Variants in FOXP1 observed in about 807,000 individuals in gnomAD.
FOXP1 encodes forkhead box protein P1.
In FOXP1, 15 loss-of-function variants were observed where a neutral mutation model predicts 98.2. That is an observed-to-expected ratio of 0.15 (90% CI 0.10 to 0.24). FOXP1 has a LOEUF of 0.24. Among genes scored for constraint, FOXP1 ranks in the 10% least tolerant of loss-of-function variants. The pLI is 1.00. For synonymous variants in FOXP1, 371 were observed against 314.5 expected, an observed-to-expected ratio of 1.18 and a Z score of -1.90; for missense variants, 633 against 848.5, an observed-to-expected ratio of 0.75 and a Z score of 3.15.
Position 71,304,989 on chromosome 3 carries a change from T to C in FOXP1, c.-72-5109A>G, listed in dbSNP as rs146814972. ...TCACACAGGACATATCTTCCTTGGA[T>C]GGTTCACCCTTGTTAATTGTGGCAA... On this transcript the variant is annotated intron_variant, in intron 4 of 20. Transcript: ENST00000649528. 8.6e-3 allele frequency among the ~76,000 whole-genome samples: 1,311 copies of C among 152,282 alleles called. 22 individuals are homozygous for C. Among genetic ancestry groups the C allele is most frequent in the African/African-American group, 0.03 (1,236 of 41,544 alleles).
At chr3:71,458,717 C>T (rs2087734440) in intron 3 of FOXP1, among the ~76,000 whole-genome samples, 1 of 152,224 alleles carries the variant, frequency 6.6e-6, no homozygotes, top group Non-Finnish European at 1.5e-5. Flanking sequence ...GTAAGGAACA[C>T]AAGCGTAAAG....
chr3:70,957,271 A>C lies in FOXP1; in HGVS notation c.*1976T>G. 1 of 226,150 alleles carries C rather than the reference A, an allele frequency of 4.4e-6. No homozygotes were observed. Among genetic ancestry groups the C allele is most frequent in the Non-Finnish European group, 8.8e-6 (1 of 113,558 alleles). The allele number at this position is 226,150 out of a possible 1,614,324, so 14.0% of individuals were successfully genotyped here. A position where few individuals can be genotyped will look rare whatever the true frequency, so the allele number is the denominator to read the frequency against. Reference sequence around the variant, plus strand: ...AGAGAATGAGTTTTGGTCTCTGTAGAGGTACACAAAAAGAAAAAGGAAAAA... The same window carrying C: ...AGAGAATGAGTTTTGGTCTCTGTAGCGGTACACAAAAAGAAAAAGGAAAAA... On this transcript the variant is annotated 3_prime_UTR_variant, in exon 21 of 21. Transcript: ENST00000649528.
At chr3:71,035,959 C>A (rs1218008222) in intron 11 of FOXP1, among the ~76,000 whole-genome samples, 1 of 152,070 alleles carries the variant, frequency 6.6e-6, no homozygotes, top group Admixed American at 6.6e-5. Flanking sequence ...CATTTATTCA[C>A]AAACACAGAA....
intron 5 of FOXP1, among the ~76,000 whole-genome samples, chr3:71,297,707 C>T (rs1175309632): frequency 6.6e-6 from 1 of 151,234 alleles, no homozygotes; most frequent in East Asian, 1.9e-4. Flanking sequence ...CCTCTGCCTC[C>T]CGGGTTTAAG....
intron 3 of FOXP1, among the ~76,000 whole-genome samples, chr3:71,447,508 C>A (rs186215791): frequency 1.3e-5 from 2 of 152,192 alleles, no homozygotes; most frequent in Non-Finnish European, 2.9e-5. Context: ...TGCATACCAA[C>A]CTGCTCCCAT....
At chr3:71,390,849 G>A (rs1306322042) in intron 3 of FOXP1, among the ~76,000 whole-genome samples, 3 of 152,160 alleles carry the variant, frequency 2.0e-5, no homozygotes, top group East Asian at 1.9e-4. Flanking sequence ...AGGAAGAGAT[G>A]AGCCCCCCAT....
chr3:71,406,358 C>G (rs1476628799), intron 3 of FOXP1, among the ~76,000 whole-genome samples: 1 of 127,620 alleles, frequency 7.8e-6, no homozygotes, highest in Non-Finnish European at 1.7e-5. Flanking sequence ...GAATTATTTT[C>G]GTTATTTTTT....
At chr3:71,112,871 G>A (rs2058056088) in intron 6 of FOXP1, among the ~76,000 whole-genome samples, 1 of 152,130 alleles carries the variant, frequency 6.6e-6, no homozygotes, top group Admixed American at 6.5e-5. Context: ...CATCTAAGCA[G>A]ACATTTTATT....
chr3:71,504,345 T>A (rs2041646793), intron 2 of FOXP1, among the ~76,000 whole-genome samples: 1 of 152,150 alleles, frequency 6.6e-6, no homozygotes, highest in African/African-American at 2.4e-5. Context: ...TGACTAGTCA[T>A]CAAGCATACT....
intron 13 of FOXP1, among the ~76,000 whole-genome samples, chr3:70,989,593 T>A (rs77250736): frequency 4.0e-5 from 6 of 151,282 alleles, no homozygotes; most frequent in Middle Eastern, 3.4e-3. Flanking sequence ...TTATTTTTTT[T>A]AAAATGTAAG....
chr3:71,073,513 T>C (rs796175227), intron 7 of FOXP1, among the ~76,000 whole-genome samples: 46 of 152,308 alleles, frequency 3.0e-4, no homozygotes, highest in Admixed American at 9.8e-4. Flanking sequence ...TACCTGGAGT[T>C]TGAAGCAGAA....
chr3:71,412,749 C>A (rs1344323746), intron 3 of FOXP1, among the ~76,000 whole-genome samples: 2 of 152,124 alleles, frequency 1.3e-5, no homozygotes, highest in East Asian at 3.9e-4. Context: ...CACTGACTTA[C>A]CCCCACCTCT....
chr3:71,084,598 C>T (rs946583534), intron 7 of FOXP1, among the ~76,000 whole-genome samples: 1 of 152,206 alleles, frequency 6.6e-6, no homozygotes, highest in Non-Finnish European at 1.5e-5. Context: ...TGGCCTCTTT[C>T]AAGCTATCTG....
intron 2 of FOXP1, among the ~76,000 whole-genome samples, chr3:71,557,067 G>A (rs1177350601): frequency 6.6e-6 from 1 of 151,988 alleles, no homozygotes; most frequent in Non-Finnish European, 1.5e-5. Flanking sequence ...CATTTGTAGG[G>A]GTTTGTTCAT....
At chr3:71,033,720 G>A (rs1025167400) in intron 11 of FOXP1, among the ~76,000 whole-genome samples, 6 of 151,798 alleles carry the variant, frequency 4.0e-5, no homozygotes, top group Admixed American at 6.6e-5. Context: ...GCGGTGATAC[G>A]GCACCATGCC....
intron 7 of FOXP1, among the ~76,000 whole-genome samples, chr3:71,101,783 C>A (rs949835109): frequency 6.6e-6 from 1 of 151,760 alleles, no homozygotes; most frequent in African/African-American, 2.4e-5. Flanking sequence ...TGGGAAGGAT[C>A]GAGTCATTCA....
At chr3:70,971,374 G>C (rs367721815) in intron 18 of FOXP1, 1 of 158,404 alleles carries the variant, frequency 6.3e-6, no homozygotes, top group Non-Finnish European at 1.4e-5. Flanking sequence ...CCAGATCTGG[G>C]AGGGTCTGAG....
chr3:71,038,717 G>A (rs930107270), intron 11 of FOXP1, among the ~76,000 whole-genome samples: 4 of 150,848 alleles, frequency 2.7e-5, no homozygotes, highest in Non-Finnish European at 5.9e-5. Context: ...AGGCTGGAGT[G>A]CAATGGTGTG....
rs1357369241 is a variant in FOXP1, at chr3:71,084,937, G to C, written c.282+27599C>G. Among the ~76,000 whole-genome samples the C allele has an allele frequency of 2.0e-5, 3 of 152,074 alleles. No individual in the cohort carries two copies. In the South Asian group the frequency reaches 6.2e-4, roughly 32 times the overall value. On this transcript the variant is annotated intron_variant, in intron 7 of 20. Transcript: ENST00000649528. ...TAATCCCAGTTACCAGGGAGGATGA[G>C]GCACAATAGTTGCTTGAATAAATAA...
Sources: allele counts gnomAD v4.1 joint callset (sites outside exome capture counted in the v4.1 genomes callset), GRCh38; gene constraint gnomAD v4.1.1; transcripts MANE v1.5; gene names NCBI Gene and HGNC (gene_info 2026-07-23, HGNC 2026-07-21).